HEMK2: variants seen among roughly 807,000 people sequenced by gnomAD.
HEMK2 encodes methyltransferase HEMK2.
chr21:28,598,882 A>G, the HEMK2 span, among the ~76,000 whole-genome samples: 2 of 152,260 alleles, frequency 1.3e-5, no homozygotes, highest in Admixed American at 1.3e-4. Context: ...AAGCATTAAC[A>G]TGAAGTCAAG....
chr21:28,614,619 A>G, the HEMK2 span, among the ~76,000 whole-genome samples: 2 of 152,208 alleles, frequency 1.3e-5, no homozygotes, highest in South Asian at 2.1e-4. Flanking sequence ...GTAAAACTAA[A>G]TGACATTTTT....
the HEMK2 span, among the ~76,000 whole-genome samples, chr21:28,856,577 A>T: frequency 6.6e-6 from 1 of 152,172 alleles, no homozygotes; most frequent in Non-Finnish European, 1.5e-5. Flanking sequence ...TGTACCTTCA[A>T]TTGAGGTATC....
chr21:28,594,108 T>C, the HEMK2 span, among the ~76,000 whole-genome samples: 1 of 152,202 alleles, frequency 6.6e-6, no homozygotes, highest in African/African-American at 2.4e-5. Flanking sequence ...CTCTGTTTAA[T>C]TGTGAGAAAA....
At chr21:28,775,573 C>A in the HEMK2 span, among the ~76,000 whole-genome samples, 532 of 152,160 alleles carry the variant, frequency 3.5e-3, 1 homozygote, top group Middle Eastern at 0.014. Context: ...GGAGAACTAT[C>A]CAAGTGTCAG....
chr21:28,838,972 A>ATATATATATATATAT, the HEMK2 span, among the ~76,000 whole-genome samples: 3 of 29,146 alleles, frequency 1.0e-4, no homozygotes, highest in African/African-American at 1.9e-4. Flanking sequence ...AAAAAAAAAA[A>ATATATATATATATAT]ATATATATAT....
chr21:28,619,159 C>T, the HEMK2 span, among the ~76,000 whole-genome samples: 6 of 152,124 alleles, frequency 3.9e-5, no homozygotes, highest in Non-Finnish European at 7.4e-5. Flanking sequence ...ATTCTTCCCT[C>T]GCAGCCCTCA....
At chr21:28,586,372 A>T in the HEMK2 span, among the ~76,000 whole-genome samples, 2 of 152,252 alleles carry the variant, frequency 1.3e-5, no homozygotes, top group East Asian at 3.8e-4. Context: ...AAGCAAAATG[A>T]GAACAGCAAA....
chr21:28,762,351 A>G, the HEMK2 span, among the ~76,000 whole-genome samples: 3 of 152,090 alleles, frequency 2.0e-5, no homozygotes, highest in Non-Finnish European at 4.4e-5. Context: ...TTGACATATG[A>G]AGGTTATCCA....
At chr21:28,865,543 C>T in the HEMK2 span, among the ~76,000 whole-genome samples, 2 of 152,166 alleles carry the variant, frequency 1.3e-5, no homozygotes, top group Non-Finnish European at 2.9e-5. Context: ...ATAAAGACTA[C>T]ATCCTTTCCC....
the HEMK2 span, among the ~76,000 whole-genome samples, chr21:28,699,319 A>C: frequency 1.3e-5 from 2 of 152,204 alleles, no homozygotes; most frequent in Non-Finnish European, 2.9e-5. Context: ...AGGCACAAAC[A>C]GTTTTGGTGT....
chr21:28,592,197 A>C, the HEMK2 span, among the ~76,000 whole-genome samples: 1 of 151,936 alleles, frequency 6.6e-6, no homozygotes, highest in African/African-American at 2.4e-5. Context: ...TTTCTCCACA[A>C]CCTCACCAGC....
chr21:28,856,900 T>A, the HEMK2 span, among the ~76,000 whole-genome samples: 2 of 152,220 alleles, frequency 1.3e-5, no homozygotes, highest in African/African-American at 4.8e-5. Flanking sequence ...CAGGAGTTTT[T>A]GCATACTCCA....
chr21:28,706,785 AC>A, the HEMK2 span, among the ~76,000 whole-genome samples: 4 of 98,306 alleles, frequency 4.1e-5, no homozygotes, highest in African/African-American at 3.1e-4. Context: ...ACTCTGAACC[AC>A]AAAAAAACTG....
At chr21:28,626,359 A>G in the HEMK2 span, among the ~76,000 whole-genome samples, 6 of 152,208 alleles carry the variant, frequency 3.9e-5, no homozygotes, top group Non-Finnish European at 7.3e-5. Context: ...TAATAAAAAG[A>G]AGTTTAACTA....
At chr21:28,864,475 C>G in the HEMK2 span, among the ~76,000 whole-genome samples, 1 of 152,116 alleles carries the variant, frequency 6.6e-6, no homozygotes, top group East Asian at 1.9e-4. Flanking sequence ...ACTTGTTGTC[C>G]CATGAAGACT....
At chr21:28,605,577 C>G in the HEMK2 span, among the ~76,000 whole-genome samples, 3 of 147,722 alleles carry the variant, frequency 2.0e-5, no homozygotes, top group Non-Finnish European at 4.4e-5. Context: ...CATATGGAAA[C>G]TTTTGTTCAA....
chr21:28,679,035 C>T, the HEMK2 span, among the ~76,000 whole-genome samples: 1 of 152,166 alleles, frequency 6.6e-6, no homozygotes, highest in Non-Finnish European at 1.5e-5. Context: ...ATCAAATTCA[C>T]ACATGACAAT....
the HEMK2 span, among the ~76,000 whole-genome samples, chr21:28,831,923 G>T: frequency 3.3e-5 from 5 of 151,928 alleles, no homozygotes; most frequent in African/African-American, 1.2e-4. Flanking sequence ...TTCAGATTTT[G>T]TAAGGTATAT....
chr21:28,814,493 G>A, the HEMK2 span, among the ~76,000 whole-genome samples: 1 of 151,010 alleles, frequency 6.6e-6, no homozygotes, highest in African/African-American at 2.4e-5. Flanking sequence ...TCTGACAAAG[G>A]GCTAATATCC....
Sources: allele counts gnomAD v4.1 joint callset (sites outside exome capture counted in the v4.1 genomes callset), GRCh38; gene constraint gnomAD v4.1.1; transcripts MANE v1.5; gene names NCBI Gene and HGNC (gene_info 2026-07-23, HGNC 2026-07-21).